Variants in DLGAP4 observed in about 807,000 individuals in gnomAD.
DLGAP4 encodes DLG associated protein 4.
DLGAP4 carries 18 observed loss-of-function variants against 86.9 expected under a neutral mutation model. The observed-to-expected ratio is 0.21, with a 90% CI of 0.14 to 0.31. DLGAP4 has a LOEUF of 0.31. Ranked by LOEUF, DLGAP4 falls within the 10% of genes least tolerant of loss-of-function variation. The probability of loss-of-function intolerance (pLI) is 1.00; values close to 1 mark genes in which losing one functional copy is unlikely to be tolerated. For missense variants in DLGAP4, 1,085 were observed against 1,362.6 expected, an observed-to-expected ratio of 0.80 and a Z score of 3.21; for synonymous variants, 548 against 574.3, an observed-to-expected ratio of 0.95 and a Z score of 0.65.
rs528525298 is a variant in DLGAP4 at position 36,479,170 on chromosome 20, C to T, written c.1649-17535C>T. Among the ~76,000 whole-genome samples, 13 of 152,254 alleles carry T rather than the reference C, an allele frequency of 8.5e-5. No individual in the cohort carries two copies. The South Asian group carries it at 2.3e-3, about 27-fold the overall frequency. ...TGAGAGGAACGTTGAGTGGGGCGGG[C>T]TCTGTGGGCATGAGGGGACATATAG... On this transcript the variant is annotated intron_variant, in intron 7 of 12. Coordinates refer to ENST00000339266, the MANE Select transcript of DLGAP4 (RefSeq NM_001365621.2).
chr20:36,383,887 A>G (rs920364014), intron 2 of DLGAP4, among the ~76,000 whole-genome samples: 1 of 151,352 alleles, frequency 6.6e-6, no homozygotes, highest in African/African-American at 2.4e-5. Flanking sequence ...AGGCAGGAGA[A>G]TGGCGTGAAC....
intron 8 of DLGAP4, chr20:36,497,852 G>A (rs1034902766): frequency 6.2e-6 from 1 of 162,360 alleles, no homozygotes; most frequent in Non-Finnish European, 1.3e-5. Flanking sequence ...CTTGGGCCCT[G>A]CCTTGTAGTT....
chr20:36,400,431 C>T (rs2032122615), intron 2 of DLGAP4, among the ~76,000 whole-genome samples: 1 of 152,102 alleles, frequency 6.6e-6, no homozygotes. Flanking sequence ...CAATATGAGT[C>T]GTATTATAAA....
At chr20:36,503,682 G>C (rs1470152244) in intron 10 of DLGAP4, among the ~76,000 whole-genome samples, 2 of 151,806 alleles carry the variant, frequency 1.3e-5, no homozygotes, top group Admixed American at 6.6e-5. Context: ...TAGAGACGGG[G>C]TTTCACCATA....
intron 1 of DLGAP4, among the ~76,000 whole-genome samples, chr20:36,334,663 T>G (rs1296280670): frequency 6.6e-6 from 1 of 151,980 alleles, no homozygotes; most frequent in African/African-American, 2.4e-5. Flanking sequence ...GCCTGCTGGA[T>G]TTTGTACTGG....
intron 1 of DLGAP4, among the ~76,000 whole-genome samples, chr20:36,357,248 A>G (rs1004483938): frequency 6.6e-6 from 1 of 152,120 alleles, no homozygotes; most frequent in Non-Finnish European, 1.5e-5. Flanking sequence ...GTTCCCAAAC[A>G]TGGCGTGCTC....
intron 2 of DLGAP4, among the ~76,000 whole-genome samples, chr20:36,370,254 C>T (rs533635621): frequency 2.6e-4 from 40 of 151,810 alleles, no homozygotes; most frequent in African/African-American, 9.7e-4. Context: ...AATCCCAGCA[C>T]TTTGGGAGGC....
chr20:36,477,972 G>A (rs1411552775), intron 7 of DLGAP4, among the ~76,000 whole-genome samples: 1 of 152,232 alleles, frequency 6.6e-6, no homozygotes, highest in African/African-American at 2.4e-5. Context: ...TCGAAGGACA[G>A]TAGACTTGAA....
At chr20:36,340,833 G>C (rs1383278412) in intron 1 of DLGAP4, among the ~76,000 whole-genome samples, 1 of 152,226 alleles carries the variant, frequency 6.6e-6, no homozygotes, top group Non-Finnish European at 1.5e-5. Context: ...TCCAGCGGGT[G>C]GAGGGGGAGG....
chr20:36,442,087 C>T (rs1248155882), intron 5 of DLGAP4, among the ~76,000 whole-genome samples: 2 of 152,232 alleles, frequency 1.3e-5, no homozygotes, highest in African/African-American at 4.8e-5. Context: ...GAAGAGCAGG[C>T]TCTGGGCTCC....
chr20:36,403,938 C>T (rs2032236839), intron 2 of DLGAP4, among the ~76,000 whole-genome samples: 1 of 152,216 alleles, frequency 6.6e-6, no homozygotes, highest in Non-Finnish European at 1.5e-5. Context: ...CAGTAGATGT[C>T]TTCCCCCAGA....
intron 10 of DLGAP4, among the ~76,000 whole-genome samples, chr20:36,514,838 G>A (rs969533214): frequency 5.3e-5 from 8 of 152,154 alleles, no homozygotes; most frequent in African/African-American, 1.9e-4. Context: ...ATCCTTAGGT[G>A]AGAAGGAATC....
chr20:36,415,679 C>G (rs1222724942), intron 2 of DLGAP4, among the ~76,000 whole-genome samples: 1 of 152,140 alleles, frequency 6.6e-6, no homozygotes, highest in Non-Finnish European at 1.5e-5. Flanking sequence ...TAAATGTTGG[C>G]ACCAGGATTC....
intron 12 of DLGAP4, among the ~76,000 whole-genome samples, chr20:36,526,527 C>G (rs548422819): frequency 3.0e-4 from 45 of 152,194 alleles, no homozygotes; most frequent in African/African-American, 1.0e-3. Flanking sequence ...CTGCCCGAGT[C>G]TCGGGCTCCC....
rs1449589043 is a variant in DLGAP4, at chr20:36,461,966, T to G, written c.1648+15029T>G. 4 of 984,854 alleles carry G rather than the reference T, an allele frequency of 4.1e-6. No homozygotes were observed. In the East Asian group the frequency reaches 4.6e-4, roughly 113 times the overall value. The allele number at this position is 984,854 out of a possible 1,614,324, so 61.0% of individuals were successfully genotyped here. A position where few individuals can be genotyped will look rare whatever the true frequency, so the allele number is the denominator to read the frequency against. On this transcript the variant is annotated intron_variant, in intron 7 of 12. Coordinates refer to ENST00000339266, the MANE Select transcript of DLGAP4 (RefSeq NM_001365621.2). ...CGCCCTTTCTGGGCGACCCCACTCT[T>G]CGGGACTCCCCCTCAGAGCGCCCCC...
At chr20:36,495,258 C>G (rs140793802) in intron 7 of DLGAP4, among the ~76,000 whole-genome samples, 2 of 152,178 alleles carry the variant, frequency 1.3e-5, no homozygotes, top group Non-Finnish European at 2.9e-5. Context: ...CACTTTTTAG[C>G]CATTCTGATA....
At chr20:36,400,760 G>C (rs779326122) in intron 2 of DLGAP4, among the ~76,000 whole-genome samples, 1 of 151,906 alleles carries the variant, frequency 6.6e-6, no homozygotes, top group African/African-American at 2.4e-5. Context: ...TCTGGAGTGG[G>C]GGGAATCTGG....
chr20:36,365,207 TGCG>T (rs2030643809), intron 1 of DLGAP4, among the ~76,000 whole-genome samples: 1 of 152,242 alleles, frequency 6.6e-6, no homozygotes, highest in African/African-American at 2.4e-5. Context: ...GCCAGGGCCC[TGCG>T]GCACCCTGCC....
chr20:36,504,828 C>T (rs892425935), intron 10 of DLGAP4, among the ~76,000 whole-genome samples: 6 of 152,200 alleles, frequency 3.9e-5, no homozygotes, highest in Non-Finnish European at 5.9e-5. Context: ...GGCCTTCGCC[C>T]ATTTTTTAAT....
Sources: gnomAD v4.1 joint callset for allele counts (sites outside exome capture counted in the v4.1 genomes callset) on GRCh38, gnomAD v4.1.1 for gene constraint, MANE v1.5 for transcripts, NCBI Gene and HGNC (gene_info 2026-07-23, HGNC 2026-07-21) for gene names.